The following ATP2C2 variants were observed in gnomAD, a reference collection of about 807,000 sequenced individuals.
ATP2C2 encodes ATPase secretory pathway Ca2+ transporting 2, also known as calcium-transporting ATPase type 2C member 2.
A neutral mutation model predicts 110.8 loss-of-function variants in ATP2C2; 171 were observed. The observed-to-expected ratio is 1.54, with a 90% CI of 1.36 to 1.75. The LOEUF is 1.75. Among genes scored for constraint, ATP2C2 ranks in the 40% most tolerant of loss-of-function variants. The pLI, the probability that ATP2C2 is intolerant of heterozygous loss-of-function variation, is 0.00. For missense variants in ATP2C2, 1,963 were observed against 1,235.0 expected (o/e 1.59, Z -8.84); for synonymous variants, 804 against 508.4 (o/e 1.58, Z -7.82).
intron 1 of ATP2C2, among the ~76,000 whole-genome samples, chr16:84,390,442 C>G (rs1361822365): frequency 6.6e-6 from 1 of 152,218 alleles, no homozygotes; most frequent in African/African-American, 2.4e-5. Flanking sequence ...CCTTTCTCTT[C>G]TAGGCCGTTT....
chr16:84,424,105 C>T (rs897877338), intron 10 of ATP2C2, among the ~76,000 whole-genome samples: 1 of 152,210 alleles, frequency 6.6e-6, no homozygotes, highest in Admixed American at 6.5e-5. Context: ...AATAAACCAA[C>T]AAGCCACTGC....
intron 15 of ATP2C2, among the ~76,000 whole-genome samples, chr16:84,444,352 A>T (rs1410079679): frequency 6.6e-6 from 1 of 150,664 alleles, no homozygotes; most frequent in Non-Finnish European, 1.5e-5. Context: ...GCACACCTGT[A>T]ATCCCAGCTA....
intron 1 of ATP2C2, among the ~76,000 whole-genome samples, chr16:84,386,735 A>C (rs6564024): frequency 0.99 from 151,226 of 152,248 alleles, 75,107 homozygotes; most frequent in Middle Eastern, 1. Context: ...TCCTCACATC[A>C]ATGCTAGGTG....
rs750154721 is a variant in ATP2C2, at chr16:84,462,078, T to C, written c.2671T>C (p.Tyr891His). ...CATCCTGGGGCAGCTGGCGGTCATT[T>C]ACATCCCCCCGCTGCAGAGGGTCTT... is the stretch of plus-strand genomic sequence containing the variant. Reference protein sequence around the residue: ...GSILGQLAVIYIPPLQRVFQT... With the variant: ...GSILGQLAVIHIPPLQRVFQT... The change falls in exon 26 of 27, where the codon TAC becomes CAC. Residue 891 changes from tyrosine (Y) to histidine (H), a missense_variant. Physicochemically the swap from Tyr to His is moderately conservative, Grantham distance 83. Transcript: ENST00000262429. 1 of 1,614,066 alleles carries C rather than the reference T, an allele frequency of 6.2e-7. No homozygotes were observed. Among genetic ancestry groups the C allele is most frequent in the Non-Finnish European group, 8.5e-7 (1 of 1,179,980 alleles).
chr16:84,399,511 G>C lies in ATP2C2; in HGVS notation c.210+902G>C, dbSNP rs557471687. 2.0e-5 allele frequency among the ~76,000 whole-genome samples: 3 copies of C among 152,314 alleles called. No individual in the cohort carries two copies. The South Asian group carries it at 6.2e-4, about 32-fold the overall frequency. ...CTTTTGTTGCGACCAGAACAACAAA[G>C]TTTCCTTCCATTATGACTGACTCAT... is the stretch of plus-strand genomic sequence containing the variant. On this transcript the variant is annotated intron_variant, in intron 2 of 26. Coordinates refer to ENST00000262429, the MANE Select transcript of ATP2C2 (RefSeq NM_014861.4).
At position 84,423,223 on chromosome 16, in the gene ATP2C2, G is replaced by T. The variant is rs1253399134; in HGVS notation, c.879G>T (p.Arg293Ser). The change falls in exon 10 of 27, where the codon AGG becomes AGT. Residue 293 changes from arginine to serine, a missense_variant. Physicochemically the swap from Arg to Ser is moderately radical, Grantham distance 110. Coordinates refer to ENST00000262429, the MANE Select transcript of ATP2C2 (RefSeq NM_014861.4). ...PKTPLQKSMD[R>S]LGKQLTLFSF... ...CTCCTTTGCAGAAAAGCATGGACAG[G>T]CTAGGAAAGCAACTGACACTCTTCT... is the stretch of plus-strand genomic sequence containing the variant. 4 of 1,614,140 alleles carry T rather than the reference G, an allele frequency of 2.5e-6. No individual in the cohort carries two copies.
chr16:84,404,878 C>A, intron 2 of ATP2C2: 2 of 568,578 alleles, frequency 3.5e-6, no homozygotes, highest in Middle Eastern at 2.7e-4. Flanking sequence ...TGCTGCATTT[C>A]CATTTGTTGA....
chr16:84,434,226 G>A (rs977303891), intron 11 of ATP2C2, among the ~76,000 whole-genome samples: 2 of 151,808 alleles, frequency 1.3e-5, no homozygotes, highest in African/African-American at 4.8e-5. Context: ...GATCATCCCG[G>A]CCCACATTGT....
Position 84,453,327 on chromosome 16 carries a change from G to C in ATP2C2, c.1936G>C (p.Val646Leu). The change falls in exon 20 of 27, where the codon GTG becomes CTG. Residue 646 changes from valine (V) to leucine (L), a missense_variant. Transcript: ENST00000262429. ...ELADRVGKVSVFFRTSPKHKL... is the reference protein window; with the variant it reads ...ELADRVGKVSLFFRTSPKHKL... ...TCCCCGTCTCCGTGTCCAGGTGTCC[G>C]TGTTCTTCAGGACCAGCCCAAAGCA... The C allele has an allele frequency of 6.2e-7, 1 of 1,614,160 alleles. No individual in the cohort carries two copies. Among genetic ancestry groups the C allele is most frequent in the South Asian group, 1.1e-5 (1 of 91,080 alleles).
intron 7 of ATP2C2, among the ~76,000 whole-genome samples, chr16:84,419,726 A>T (rs12922477): frequency 1.3e-5 from 2 of 152,036 alleles, no homozygotes; most frequent in South Asian, 2.1e-4. Flanking sequence ...ACTACGTATG[A>T]GGCCCTGGGC....
chr16:84,410,869 C>T, intron 6 of ATP2C2, 104 bp downstream of exon 6: 2 of 1,158,140 alleles, frequency 1.7e-6, no homozygotes, highest in Non-Finnish European at 2.5e-6. Flanking sequence ...TAGTGTCGGA[C>T]AAGAGAACCA....
At chr16:84,450,424 A>C (rs922922619) in intron 17 of ATP2C2, among the ~76,000 whole-genome samples, 1 of 152,094 alleles carries the variant, frequency 6.6e-6, no homozygotes, top group Non-Finnish European at 1.5e-5. Flanking sequence ...ACATGCATCC[A>C]GGGGAAGATG....
chr16:84,460,347 T>TGC (rs72528191), intron 23 of ATP2C2: 2 of 388,688 alleles, frequency 5.1e-6, no homozygotes, highest in South Asian at 2.5e-5. Context: ...GGCGCAACGT[T>TGC]GGGGGGGGTC....
At chr16:84,434,507 A>G (rs971941664) in intron 11 of ATP2C2, among the ~76,000 whole-genome samples, 1 of 151,710 alleles carries the variant, frequency 6.6e-6, no homozygotes, top group African/African-American at 2.4e-5. Flanking sequence ...GTCCATTCTA[A>G]TCAATTTTTG....
chr16:84,384,485 C>T (rs1016364920), intron 1 of ATP2C2, among the ~76,000 whole-genome samples: 1 of 152,200 alleles, frequency 6.6e-6, no homozygotes, highest in Non-Finnish European at 1.5e-5. Flanking sequence ...CTGTTTGTCT[C>T]GTTACTGGTG....
chr16:84,434,999 CTG>C (rs1908613891), intron 11 of ATP2C2, among the ~76,000 whole-genome samples: 1 of 152,362 alleles, frequency 6.6e-6, no homozygotes, highest in Admixed American at 6.5e-5. Context: ...CTGGCTGTCA[CTG>C]TAGAAACCGG....
At chr16:84,449,873 C>T (rs1035105835) in intron 17 of ATP2C2, among the ~76,000 whole-genome samples, 5 of 152,240 alleles carry the variant, frequency 3.3e-5, no homozygotes, top group East Asian at 1.9e-4. Flanking sequence ...AAACATCCCA[C>T]GTGGCACTGG....
chr16:84,429,666 A>C (rs1908095453), intron 11 of ATP2C2, among the ~76,000 whole-genome samples: 2 of 152,078 alleles, frequency 1.3e-5, no homozygotes, highest in African/African-American at 2.4e-5. Flanking sequence ...GGGCTAGAGG[A>C]AGAGAGCTGG....
At chr16:84,454,464 G>A (rs1597872844) in intron 20 of ATP2C2, among the ~76,000 whole-genome samples, 2 of 152,164 alleles carry the variant, frequency 1.3e-5, no homozygotes, top group African/African-American at 4.8e-5. Flanking sequence ...ATACTTACCA[G>A]GTACCCCATG....
Sources: allele counts gnomAD v4.1 joint callset (sites outside exome capture counted in the v4.1 genomes callset), GRCh38; gene constraint gnomAD v4.1.1; transcripts MANE v1.5; gene names NCBI Gene and HGNC (gene_info 2026-07-23, HGNC 2026-07-21).